ADGRF1: variants seen among roughly 807,000 people sequenced by gnomAD.
The protein encoded by ADGRF1 is adhesion G protein-coupled receptor F1.
In ADGRF1, 85 loss-of-function variants were observed where a neutral mutation model predicts 87.2. The observed-to-expected ratio is 0.97, with a 90% CI of 0.82 to 1.17. The LOEUF (loss-of-function observed/expected upper bound fraction) is 1.17, where lower values mean the gene tolerates loss of function less well. Ranked by LOEUF, ADGRF1 falls within the 50% of genes most tolerant of loss-of-function variation. The pLI, the probability that ADGRF1 is intolerant of heterozygous loss-of-function variation, is 0.00. For synonymous variants in ADGRF1, 430 were observed against 408.8 expected (o/e 1.05, Z -0.63); for missense variants, 1,169 against 1,077.2 (o/e 1.09, Z -1.19).
intron 1 of ADGRF1, among the ~76,000 whole-genome samples, chr6:47,033,175 G>C (rs191035004): frequency 3.7e-4 from 57 of 152,306 alleles, no homozygotes; most frequent in Admixed American, 3.7e-3. Flanking sequence ...TGATGCCTGA[G>C]CTGCAGCTGT....
intron 4 of ADGRF1, among the ~76,000 whole-genome samples, chr6:47,024,840 A>G (rs1780177106): frequency 6.6e-6 from 1 of 152,248 alleles, no homozygotes; most frequent in Admixed American, 6.5e-5. Context: ...ATAAAGCTAC[A>G]ATGGCTGGGA....
At chr6:47,025,312 A>C (rs1389534291) in intron 4 of ADGRF1, among the ~76,000 whole-genome samples, 1 of 152,156 alleles carries the variant, frequency 6.6e-6, no homozygotes, top group Non-Finnish European at 1.5e-5. Context: ...ACAAATGAAG[A>C]ATTTGCATTT....
In ADGRF1 at chr6:47,024,164, A is replaced by G. The variant is rs879919565; in HGVS notation, c.331T>C (p.Trp111Arg). 2 of 1,613,894 alleles carry G rather than the reference A, an allele frequency of 1.2e-6. No homozygotes were observed. The highest frequency in any genetic ancestry group is 2.2e-5 in the South Asian group (2 of 91,080). The part of the protein sequence containing the change: ...LQCTCEDSYT[W>R]FPPSCLDPQN... ...GGATCAAGGCATGAGGGAGGAAACC[A>G]GGTGTAGCTGTCTTCACAGGTACAC... Residue 111 changes from tryptophan (W) to arginine (R), a missense_variant, in exon 5 of 15, where the codon TGG becomes CGG. Physicochemically the swap from Trp to Arg is moderately radical, Grantham distance 101. Coordinates refer to ENST00000371253, the MANE Select transcript of ADGRF1 (RefSeq NM_153840.4).
At position 47,028,007 on chromosome 6, in the gene ADGRF1, A is replaced by AG. The variant is rs941103191; in HGVS notation, c.70-247dup. Among the ~76,000 whole-genome samples the AG allele has an allele frequency of 3.1e-3, 469 of 152,202 alleles. 2 individuals are homozygous for AG. The highest frequency in any genetic ancestry group is 0.011 in the African/African-American group (449 of 41,548). ...CGCTGAGAGAGGAGAGTGAGAGGAG[A>AG]GGCACAGGAGGTGGGGTCAGAGGGT... On this transcript the variant is annotated intron_variant, in intron 2 of 14. Coordinates refer to ENST00000371253, the MANE Select transcript of ADGRF1 (RefSeq NM_153840.4).
At chr6:47,020,710 T>G in intron 7 of ADGRF1, 21 bp downstream of exon 7, 1 of 1,612,224 alleles carries the variant, frequency 6.2e-7, no homozygotes, top group African/African-American at 1.3e-5. Flanking sequence ...GATGCCCTTC[T>G]AAGACCATTG....
chr6:47,027,038 T>C (rs1293568829), intron 3 of ADGRF1, among the ~76,000 whole-genome samples: 1 of 152,232 alleles, frequency 6.6e-6, no homozygotes, highest in East Asian at 1.9e-4. Context: ...AGATGACCAC[T>C]GTACCAGACT....
intron 5 of ADGRF1, among the ~76,000 whole-genome samples, chr6:47,022,804 C>CTTTTTTTTTTTTT (rs11286179): frequency 1.3e-4 from 16 of 119,282 alleles, no homozygotes; most frequent in East Asian, 4.8e-4. Context: ...TTTCTTTTTT[C>CTTTTTTTTTTTTT]TTTTTTTTTT....
intron 7 of ADGRF1, chr6:47,020,513 A>C (rs1780015214): frequency 1.3e-6 from 2 of 1,520,160 alleles, no homozygotes; most frequent in South Asian, 2.5e-5. Context: ...AAAAAAAAAA[A>C]AAAATTTAAG....
chr6:47,021,883 A>G (rs1780064407), intron 6 of ADGRF1, 75 bp downstream of exon 6: 1 of 794,482 alleles, frequency 1.3e-6, no homozygotes, highest in Admixed American at 2.3e-5. Context: ...TGTATTAAAT[A>G]TACATGCTGA....
chr6:47,009,142 C>G lies in ADGRF1; in HGVS notation c.2293G>C (p.Val765Leu), dbSNP rs758758399. The change falls in exon 11 of 15, where the codon GTT (valine) becomes CTT (leucine). Residue 765 changes from valine to leucine, a missense_variant. Coordinates refer to ENST00000371253, the MANE Select transcript of ADGRF1 (RefSeq NM_153840.4). ...GTCGGCCTCCAGAGCTTTGTGAGAA[C>G]TAGCAGCACCACAACGAAGTTCACA... Reference protein sequence around the residue: ...VAVNFVVVLLVLTKLWRPTVG... With the variant: ...VAVNFVVVLLLLTKLWRPTVG... 4 of 1,614,138 alleles carry G rather than the reference C, an allele frequency of 2.5e-6. No individual in the cohort carries two copies.
intron 11 of ADGRF1, 38 bp downstream of exon 11, chr6:47,008,907 C>G (rs1209341769): frequency 6.6e-7 from 1 of 1,523,238 alleles, no homozygotes; most frequent in East Asian, 2.3e-5. Flanking sequence ...TTATTCCAAT[C>G]ACTTGACAAT....
intron 1 of ADGRF1, among the ~76,000 whole-genome samples, chr6:47,040,054 G>A (rs1434752256): frequency 6.6e-6 from 1 of 152,108 alleles, no homozygotes; most frequent in South Asian, 2.1e-4. Flanking sequence ...GAAATCTTGC[G>A]AGCACTACTC....
intron 12 of ADGRF1, among the ~76,000 whole-genome samples, chr6:47,006,541 C>T (rs1410601948): frequency 6.6e-6 from 1 of 151,404 alleles, no homozygotes; most frequent in Non-Finnish European, 1.5e-5. Context: ...ATTTTTATTT[C>T]CATAGGTTAT....
intron 14 of ADGRF1, 79 bp from the exon 15 acceptor site, chr6:47,000,374 T>C (rs1779328628): frequency 2.9e-6 from 3 of 1,047,376 alleles, no homozygotes; most frequent in East Asian, 2.4e-5. Context: ...AATTAGCCTG[T>C]AGATTATTTC....
At position 47,024,232 on chromosome 6, in the gene ADGRF1, G is replaced by T. The variant is rs745442621; in HGVS notation, c.278-15C>A. 3 of 1,603,318 alleles carry T rather than the reference G, an allele frequency of 1.9e-6. No individual in the cohort carries two copies. In the East Asian group the frequency reaches 6.7e-5, roughly 36 times the overall value. Reference sequence around the variant, plus strand: ...GCTGTTGCAGTCTGCACAAGAAATAGAACTCAGTCTCATGGATTCTGGTTT... The same window carrying T: ...GCTGTTGCAGTCTGCACAAGAAATATAACTCAGTCTCATGGATTCTGGTTT... On this transcript the variant is annotated splice_polypyrimidine_tract_variant and intron_variant, in intron 4 of 14. Coordinates refer to ENST00000371253, the MANE Select transcript of ADGRF1 (RefSeq NM_153840.4).
intron 2 of ADGRF1, among the ~76,000 whole-genome samples, chr6:47,028,373 G>A (rs1441690251): frequency 1.3e-5 from 2 of 152,190 alleles, no homozygotes; most frequent in African/African-American, 2.4e-5. Context: ...TGTGAGAAGA[G>A]TCAAGCATGA....
intron 5 of ADGRF1, 66 bp downstream of exon 5, chr6:47,023,978 G>C: frequency 1.4e-6 from 2 of 1,395,656 alleles, no homozygotes; most frequent in Non-Finnish European, 2.0e-6. Context: ...CAATGAGCAA[G>C]CGTCCCCTCT....
chr6:47,026,000 G>A lies in ADGRF1; in HGVS notation c.131C>T (p.Pro44Leu). ...LIVNKKKHLGPVEEYQLLLQV... is the reference protein window; with the variant it reads ...LIVNKKKHLGLVEEYQLLLQV... ...AAGCAGCAGCTGATATTCTTCGACT[G>A]GGCCTAAAGAGAGAAAGAGAGTCAG... Residue 44 changes from proline (P) to leucine (L), a missense_variant, in exon 4 of 15, where the codon CCA becomes CTA. Coordinates refer to ENST00000371253, the MANE Select transcript of ADGRF1 (RefSeq NM_153840.4). 1 of 1,575,722 alleles carries A rather than the reference G, an allele frequency of 6.3e-7. No homozygotes were observed. The highest frequency in any genetic ancestry group is 1.1e-5 in the South Asian group (1 of 87,440).
At chr6:47,020,471 T>G in intron 7 of ADGRF1, 2 of 1,420,970 alleles carry the variant, frequency 1.4e-6, no homozygotes, top group Non-Finnish European at 1.9e-6. Flanking sequence ...GCCATTGCAC[T>G]CCAACTTGGG....
Sources: gnomAD v4.1 joint callset for allele counts (sites outside exome capture counted in the v4.1 genomes callset) on GRCh38, gnomAD v4.1.1 for gene constraint, MANE v1.5 for transcripts, NCBI Gene and HGNC (gene_info 2026-07-23, HGNC 2026-07-21) for gene names.